Variants in MICAL1 observed in about 807,000 individuals in gnomAD.
MICAL1 encodes the protein microtubule associated monooxygenase, calponin and LIM domain containing 1.
MICAL1 carries 95 observed loss-of-function variants against 131.8 expected under a neutral mutation model. The ratio of observed to expected loss-of-function variants is 0.72; its 90% CI spans 0.61 to 0.86. The LOEUF is 0.86. MICAL1 is among the 40% of genes least tolerant of loss of function. MICAL1 has a pLI of 0.00. For missense variants in MICAL1, 1,292 were observed against 1,380.6 expected, an observed-to-expected ratio of 0.94 and a Z score of 1.02; for synonymous variants, 546 against 554.2, an observed-to-expected ratio of 0.99 and a Z score of 0.21.
chr6:109,447,823 C>A (rs1372425738), intron 14 of MICAL1, 52 bp downstream of exon 14: 3 of 1,606,716 alleles, frequency 1.9e-6, no homozygotes, highest in Admixed American at 3.3e-5. Flanking sequence ...CCACTGGGTA[C>A]CCCCCTGCCC....
chr6:109,446,523 G>T (rs772920809), intron 18 of MICAL1, 111 bp from the exon 19 acceptor site: 2 of 1,446,596 alleles, frequency 1.4e-6, no homozygotes, highest in Admixed American at 1.8e-5. Context: ...GTGTCTGGCT[G>T]TGTTTTAGAT....
chr6:109,445,681 A>G, intron 20 of MICAL1, 90 bp downstream of exon 20: 2 of 1,524,270 alleles, frequency 1.3e-6, no homozygotes, highest in Non-Finnish European at 1.8e-6. Context: ...AAGTGAGAAG[A>G]CATTCCAAGA....
rs146110217 is a variant in MICAL1, at chr6:109,449,677, G to A, written c.1414C>T (p.Arg472Trp). Residue 472 changes from arginine to tryptophan, a missense_variant, in exon 10 of 25, where the codon CGG becomes TGG. Transcript: ENST00000358807. Reference sequence around the variant, plus strand: ...CTGACCTGATTGGGGGTCACTGCCCGGAGGTTCAGGTTGGGGTAGCGGGTG... The same window carrying A: ...CTGACCTGATTGGGGGTCACTGCCCAGAGGTTCAGGTTGGGGTAGCGGGTG... The part of the protein sequence containing the change: ...PATRYPNLNL[R>W]AVTPNQVRDL... The A allele has an allele frequency of 1.4e-4, 225 of 1,582,998 alleles. No homozygotes were observed. The highest frequency in any genetic ancestry group is 1.2e-3 in the East Asian group (53 of 44,752).
chr6:109,449,777 G>C lies in MICAL1; in HGVS notation c.1314C>G (p.Ser438Arg). Residue 438 changes from serine to arginine, a missense_variant, in exon 10 of 25, where the codon AGC becomes AGG. Transcript: ENST00000358807. The part of the protein sequence containing the change: ...ESLEVLAERE[S>R]LYQLLSQTSP... ...ATGTCTGTGACAGAAGCTGGTACAG[G>C]CTCTCACTGAGGGGGTGAGGGTAAG... The C allele has an allele frequency of 6.2e-7, 1 of 1,608,774 alleles. No individual in the cohort carries two copies. The highest frequency in any genetic ancestry group is 8.5e-7 in the Non-Finnish European group (1 of 1,177,408).
chr6:109,450,703 G>T, intron 7 of MICAL1, 146 bp from the exon 8 acceptor site: 2 of 879,802 alleles, frequency 2.3e-6, no homozygotes, highest in Non-Finnish European at 3.4e-6. Context: ...TGAAGGCTGA[G>T]CTGGGACTAG....
intron 18 of MICAL1, 132 bp from the exon 19 acceptor site, chr6:109,446,544 A>C: frequency 7.2e-7 from 1 of 1,381,574 alleles, no homozygotes; most frequent in Non-Finnish European, 1.0e-6. Context: ...ACTTGAGAGA[A>C]CAAGAAGTGT....
upstream of MICAL1, among the ~76,000 whole-genome samples, chr6:109,459,792 C>T (rs1775842237): frequency 1.3e-5 from 2 of 151,898 alleles, no homozygotes; most frequent in Admixed American, 6.5e-5. Flanking sequence ...AACATTTATC[C>T]AGAAGCCACT....
chr6:109,454,037 G>C lies in MICAL1; in HGVS notation c.160C>G (p.Gln54Glu), dbSNP rs1412236853. Residue 54 changes from glutamine to glutamate, a missense_variant, in exon 2 of 25, where the codon CAG becomes GAG. Physicochemically the swap from Gln to Glu is conservative, Grantham distance 29. Coordinates refer to ENST00000358807, the MANE Select transcript of MICAL1 (RefSeq NM_022765.4). ...GACTTGGCGCTCCAGTAGTTGAGCT[G>C]GTCCTTGATCTTGTGGTACTGGGGC... ...GLPQYHKIKD[Q>E]LNYWSAKSLW... 4 of 1,614,188 alleles carry C rather than the reference G, an allele frequency of 2.5e-6. No individual in the cohort carries two copies. In the Admixed American group the frequency reaches 6.7e-5, roughly 27 times the overall value.
At chr6:109,452,689 G>T in intron 4 of MICAL1, 74 bp from the exon 5 acceptor site, 2 of 1,123,376 alleles carry the variant, frequency 1.8e-6, no homozygotes, top group East Asian at 2.5e-5. Context: ...ACAAACCAGT[G>T]AAATCATCAA....
Position 109,447,445 on chromosome 6 carries a change from G to A in MICAL1, c.1987-5C>T, listed in dbSNP as rs1172856662. 2 of 1,610,810 alleles carry A rather than the reference G, an allele frequency of 1.2e-6. No homozygotes were observed. Among genetic ancestry groups the A allele is most frequent in the East Asian group, 4.5e-5 (2 of 44,864 alleles). Reference sequence around the variant, plus strand: ...ACTTGGGGTCTCGGCCTCCATCTAAGGAGGTAAGTGCTCAGGCAGGGAGGG... The same window carrying A: ...ACTTGGGGTCTCGGCCTCCATCTAAAGAGGTAAGTGCTCAGGCAGGGAGGG... On this transcript the variant is annotated splice_region_variant and splice_polypyrimidine_tract_variant and intron_variant, in intron 15 of 24. Coordinates refer to ENST00000358807, the MANE Select transcript of MICAL1 (RefSeq NM_022765.4).
In MICAL1 at chr6:109,447,669, G is replaced by A; in HGVS notation, c.1986+12C>T. The A allele has an allele frequency of 6.2e-7, 1 of 1,613,954 alleles. No individual in the cohort carries two copies. The highest frequency in any genetic ancestry group is 8.5e-7 in the Non-Finnish European group (1 of 1,179,954). On this transcript the variant is annotated intron_variant, in intron 15 of 24. Transcript: ENST00000358807. ...TGGGGTAGGAGACCGACCCGCCCCTGCCTGCATTCACCTCCAAGCGCAGCT... is the reference window on the plus strand; with the variant it reads ...TGGGGTAGGAGACCGACCCGCCCCTACCTGCATTCACCTCCAAGCGCAGCT...
Position 109,448,263 on chromosome 6 carries a change from C to G in MICAL1, c.1795G>C (p.Gly599Arg), listed in dbSNP as rs777646974. ...QAVVAGSDPL[G>R]LIAYLSHFHS... ...AAGTGGCTGAGGTAGGCAATGAGGCCCAGTGGGTCACTCCCTGCTACCACG... is the reference window on the plus strand; with the variant it reads ...AAGTGGCTGAGGTAGGCAATGAGGCGCAGTGGGTCACTCCCTGCTACCACG... The change falls in exon 13 of 25, where the codon GGC (glycine) becomes CGC (arginine). Residue 599 changes from glycine to arginine, a missense_variant. Transcript: ENST00000358807. The G allele has an allele frequency of 6.2e-7, 1 of 1,613,824 alleles. No homozygotes were observed. The highest frequency in any genetic ancestry group is 2.2e-5 in the East Asian group (1 of 44,884).
At chr6:109,449,114 T>TA (rs1262002916) in intron 11 of MICAL1, 2 of 662,802 alleles carry the variant, frequency 3.0e-6, no homozygotes, top group East Asian at 2.7e-5. Context: ...ACTGGCCACA[T>TA]AGAGGGCAGC....
At position 109,444,958 on chromosome 6, in the gene MICAL1, C is replaced by T. The variant is rs778210274; in HGVS notation, c.2919G>A (p.Gln973=). ...TTTTCTTGTCAACGAGCTGTAGCAG[C>T]TGTCCTACCCATAGTTTCTTTTGCT... ...PEQQKKLWVG[Q]LLQLVDKKNS... is the part of the protein sequence containing the mutation. Residue 973 remains glutamine, a synonymous_variant, in exon 23 of 25, where the codon CAG becomes CAA. Coordinates refer to ENST00000358807, the MANE Select transcript of MICAL1 (RefSeq NM_022765.4). 3 of 1,614,006 alleles carry T rather than the reference C, an allele frequency of 1.9e-6. No individual in the cohort carries two copies. The highest frequency in any genetic ancestry group is 2.7e-5 in the African/African-American group (2 of 74,956).
rs1227435495 is a variant in MICAL1 at position 109,446,116 on chromosome 6, C to T, written c.2581+20G>A. On this transcript the variant is annotated intron_variant, in intron 19 of 24. Coordinates refer to ENST00000358807, the MANE Select transcript of MICAL1 (RefSeq NM_022765.4). ...CACCCTGTCCCACCCTGGGTCAGCACATCTGTGAGGATGGGTTACCTTGAG... is the reference window on the plus strand; with the variant it reads ...CACCCTGTCCCACCCTGGGTCAGCATATCTGTGAGGATGGGTTACCTTGAG... 6.5e-7 allele frequency: 1 copy of T among 1,531,070 alleles called. No homozygotes were observed. The highest frequency in any genetic ancestry group is 1.4e-5 in the African/African-American group (1 of 71,868). The allele number at this position is 1,531,070 out of a possible 1,614,324, so 94.8% of individuals were successfully genotyped here. A position where few individuals can be genotyped will look rare whatever the true frequency, so the allele number is the denominator to read the frequency against.
chr6:109,444,511 T>A (rs1562285176), intron 24 of MICAL1, among the ~76,000 whole-genome samples, 172 bp from the exon 25 acceptor site: 3 of 152,180 alleles, frequency 2.0e-5, no homozygotes, highest in Non-Finnish European at 4.4e-5. Flanking sequence ...GCAGCACGAT[T>A]TTTTTTGAAG....
chr6:109,444,732 G>A lies in MICAL1; in HGVS notation c.3048C>T (p.Asn1016=). Residue 1016 remains asparagine (N), a synonymous_variant, in exon 24 of 25, where the codon AAC becomes AAT. Coordinates refer to ENST00000358807, the MANE Select transcript of MICAL1 (RefSeq NM_022765.4). ...TCCCCACATTTCACCTACCTTCCCG[G>A]TTCATGTAGCCTCGTAGCTCCTGGT... ...QLDQELRGYM[N]REENLKTAAD... is the part of the protein sequence containing the mutation. The A allele has an allele frequency of 6.2e-7, 1 of 1,614,060 alleles. No homozygotes were observed. Among genetic ancestry groups the A allele is most frequent in the Non-Finnish European group, 8.5e-7 (1 of 1,180,032 alleles).
intron 8 of MICAL1, 33 bp from the exon 9 acceptor site, chr6:109,450,118 G>T (rs1775476039): frequency 1.2e-6 from 2 of 1,603,552 alleles, no homozygotes; most frequent in African/African-American, 2.7e-5. Context: ...AGCAGCTCAG[G>T]GAGAATCCAA....
At chr6:109,464,404 C>T (rs1170892413) in intron 1 of MICAL1, 1 of 152,108 alleles carries the variant, frequency 6.6e-6, no homozygotes, top group Admixed American at 6.5e-5. Flanking sequence ...TGGAAAGGCT[C>T]TATTAATTTT....
Sources: gnomAD v4.1 joint callset for allele counts (sites outside exome capture counted in the v4.1 genomes callset) on GRCh38, gnomAD v4.1.1 for gene constraint, MANE v1.5 for transcripts, NCBI Gene and HGNC (gene_info 2026-07-23, HGNC 2026-07-21) for gene names.